The following PBX3 variants were observed in gnomAD, a reference collection of about 807,000 sequenced individuals.
PBX3 encodes the protein pre-B-cell leukemia transcription factor 3.
In PBX3, 14 loss-of-function variants were observed where a neutral mutation model predicts 48.5. The observed-to-expected ratio is 0.29, with a 90% confidence interval of 0.19 to 0.45. PBX3 has a LOEUF of 0.45. Among genes scored for constraint, PBX3 ranks in the 20% least tolerant of loss-of-function variants. PBX3 has a pLI of 1.00. For missense variants in PBX3, 386 were observed against 546.7 expected, an observed-to-expected ratio of 0.71 and a Z score of 2.93; for synonymous variants, 210 against 200.3, an observed-to-expected ratio of 1.05 and a Z score of -0.41.
intron 2 of PBX3, among the ~76,000 whole-genome samples, chr9:125,776,818 A>T (rs1039634091): frequency 1.6e-4 from 25 of 152,072 alleles, no homozygotes; most frequent in African/African-American, 6.0e-4. Context: ...TTCTGGGATT[A>T]CAGGTGTGAG....
intron 4 of PBX3, among the ~76,000 whole-genome samples, chr9:125,934,415 A>G (rs934818682): frequency 1.3e-5 from 2 of 152,168 alleles, no homozygotes; most frequent in Non-Finnish European, 2.9e-5. Flanking sequence ...TGGGGAAGGT[A>G]TTTTCTAATT....
intron 2 of PBX3, among the ~76,000 whole-genome samples, chr9:125,889,079 C>T (rs954411875): frequency 6.6e-6 from 1 of 152,176 alleles, no homozygotes; most frequent in Admixed American, 6.5e-5. Flanking sequence ...AATAAAATGG[C>T]CTTAACGTAA....
chr9:125,955,124 A>G (rs138664420), intron 5 of PBX3, among the ~76,000 whole-genome samples: 1 of 152,254 alleles, frequency 6.6e-6, no homozygotes, highest in Non-Finnish European at 1.5e-5. Context: ...GGACAGGCAC[A>G]TGGATGGGAG....
intron 2 of PBX3, among the ~76,000 whole-genome samples, chr9:125,877,535 C>T (rs538275692): frequency 6.6e-6 from 1 of 151,348 alleles, no homozygotes; most frequent in Admixed American, 6.6e-5. Flanking sequence ...CCCATAAAAT[C>T]TCTCCTTTTC....
chr9:125,868,081 T>C (rs1840032895), intron 2 of PBX3, among the ~76,000 whole-genome samples: 1 of 152,004 alleles, frequency 6.6e-6, no homozygotes, highest in Non-Finnish European at 1.5e-5. Context: ...CACAATGTTG[T>C]CCAGGCTGGT....
intron 5 of PBX3, chr9:125,949,567 GAGATT>G: frequency 2.3e-6 from 3 of 1,296,720 alleles, no homozygotes; most frequent in Non-Finnish European, 3.0e-6. Flanking sequence ...AAAAATGCAT[GAGATT>G]CATTTTTGAT....
chr9:125,963,621 C>T (rs1435049366), intron 8 of PBX3, among the ~76,000 whole-genome samples: 1 of 152,174 alleles, frequency 6.6e-6, no homozygotes, highest in Non-Finnish European at 1.5e-5. Context: ...TTCACTACAA[C>T]TTTACCTTTC....
At chr9:125,800,822 C>T (rs1233952715) in intron 2 of PBX3, among the ~76,000 whole-genome samples, 3 of 148,116 alleles carry the variant, frequency 2.0e-5, no homozygotes, top group South Asian at 2.1e-4. Context: ...GGCATGACCT[C>T]GGCTCACTGA....
At chr9:125,765,293 C>G (rs574990977) in intron 2 of PBX3, among the ~76,000 whole-genome samples, 1 of 151,694 alleles carries the variant, frequency 6.6e-6, no homozygotes, top group African/African-American at 2.4e-5. Flanking sequence ...AGACTACAGG[C>G]GCGCGCCACT....
intron 2 of PBX3, among the ~76,000 whole-genome samples, chr9:125,859,305 ATTG>A (rs911455312): frequency 1.3e-5 from 2 of 151,972 alleles, no homozygotes; most frequent in East Asian, 1.9e-4. Flanking sequence ...CTTGTTTATT[ATTG>A]TTTTTTGTCA....
At chr9:125,857,888 G>A (rs1281874477) in intron 2 of PBX3, among the ~76,000 whole-genome samples, 1 of 152,116 alleles carries the variant, frequency 6.6e-6, no homozygotes, top group African/African-American at 2.4e-5. Flanking sequence ...CTTTTCTTTA[G>A]CAAACAAGTA....
At chr9:125,958,578 A>G (rs1842359866) in intron 5 of PBX3, among the ~76,000 whole-genome samples, 1 of 152,220 alleles carries the variant, frequency 6.6e-6, no homozygotes, top group Non-Finnish European at 1.5e-5. Context: ...CTATCCAACA[A>G]TGGAGGCGGG....
chr9:125,809,776 G>T (rs1194016004), intron 2 of PBX3, among the ~76,000 whole-genome samples: 1 of 152,084 alleles, frequency 6.6e-6, no homozygotes, highest in Non-Finnish European at 1.5e-5. Flanking sequence ...GCCATGACTG[G>T]AAGAAGACAC....
Position 125,882,148 on chromosome 9 carries a change from T to C in PBX3, c.275-33538T>C, listed in dbSNP as rs565062131. Among the ~76,000 whole-genome samples, 4 of 152,054 alleles carry C rather than the reference T, an allele frequency of 2.6e-5. No individual in the cohort carries two copies. In the South Asian group the frequency reaches 8.3e-4, roughly 31 times the overall value. ...TGGAGGATGAGGTGGGAGGGTTGCT[T>C]GAACCCAGGAGCTTGAGGCTGCAGT... On this transcript the variant is annotated intron_variant, in intron 2 of 8. Coordinates refer to ENST00000373489, the MANE Select transcript of PBX3 (RefSeq NM_006195.6).
intron 5 of PBX3, among the ~76,000 whole-genome samples, chr9:125,955,770 CG>C (rs1403451583): frequency 6.6e-6 from 1 of 152,208 alleles, no homozygotes; most frequent in Non-Finnish European, 1.5e-5. Flanking sequence ...CTCCGCTCTA[CG>C]GTTCAGCATG....
intron 2 of PBX3, among the ~76,000 whole-genome samples, chr9:125,837,276 T>C (rs1839164547): frequency 6.6e-6 from 1 of 151,886 alleles, no homozygotes; most frequent in Admixed American, 6.6e-5. Context: ...AAGTACATGA[T>C]GGTACATATA....
chr9:125,815,589 G>T (rs944976638), intron 2 of PBX3, among the ~76,000 whole-genome samples: 1 of 152,074 alleles, frequency 6.6e-6, no homozygotes, highest in Non-Finnish European at 1.5e-5. Context: ...GAGGAAATTA[G>T]TACTCCCTTC....
chr9:125,903,708 G>C (rs570723132), intron 2 of PBX3, among the ~76,000 whole-genome samples: 2 of 151,890 alleles, frequency 1.3e-5, no homozygotes, highest in East Asian at 3.9e-4. Flanking sequence ...GTCTTGTGAG[G>C]ATGTTTTTTA....
chr9:125,800,841 C>T (rs761867985), intron 2 of PBX3, among the ~76,000 whole-genome samples: 1 of 150,882 alleles, frequency 6.6e-6, no homozygotes, highest in Non-Finnish European at 1.5e-5. Context: ...GAAACCTCTA[C>T]CTCCAGGTTC....
Sources: gnomAD v4.1 joint callset for allele counts (sites outside exome capture counted in the v4.1 genomes callset) on GRCh38, gnomAD v4.1.1 for gene constraint, MANE v1.5 for transcripts, NCBI Gene and HGNC (gene_info 2026-07-23, HGNC 2026-07-21) for gene names.